The following LANCL2 variants were observed in gnomAD, a reference collection of about 807,000 sequenced individuals.
LANCL2 encodes the protein LanC like glutathione S-transferase 2.
Under a neutral mutation model 56.9 loss-of-function variants are expected in LANCL2, and 33 were observed. That is an observed-to-expected ratio of 0.58 (90% CI 0.44 to 0.78). LANCL2 has a LOEUF of 0.78. LANCL2 is among the 30% of genes least tolerant of loss of function. LANCL2 has a pLI of 0.00. For synonymous variants in LANCL2, 233 were observed against 228.2 expected (o/e 1.02, Z -0.19); for missense variants, 562 against 580.2 (o/e 0.97, Z 0.32).
At chr7:55,386,570 G>A (rs574652577) in intron 1 of LANCL2, among the ~76,000 whole-genome samples, 161 of 152,288 alleles carry the variant, frequency 1.1e-3, no homozygotes, top group Middle Eastern at 3.4e-3. Flanking sequence ...GTGTCTGGTC[G>A]TAAGTTGGGC....
chr7:55,425,089 G>T (rs1790649911), intron 6 of LANCL2, among the ~76,000 whole-genome samples, 165 bp from the exon 7 acceptor site: 1 of 152,200 alleles, frequency 6.6e-6, no homozygotes, highest in Admixed American at 6.5e-5. Context: ...GAGATTCTAT[G>T]TACTGTGTTG....
Position 55,366,221 on chromosome 7 carries a change from G to T in LANCL2, c.196G>T (p.Asp66Tyr). The change falls in exon 1 of 9, where the codon GAC becomes TAC. Residue 66 changes from aspartate (D) to tyrosine (Y), a missense_variant. Physicochemically the swap from Asp to Tyr is radical, Grantham distance 160. Around this residue, in one of 2 missense-constraint regions of LANCL2, gnomAD observed 184 missense variants for 111.8 expected, o/e 1.65. Coordinates refer to ENST00000254770, the MANE Select transcript of LANCL2 (RefSeq NM_018697.4). The part of the protein sequence containing the change: ...TDEPGLPFHQ[D>Y]GKIIHNFIRR... ...TGAGCCCGGCCTCCCTTTTCATCAGGACGGGAAGGTGAGTCGGCGGCCTGG... is the reference window on the plus strand; with the variant it reads ...TGAGCCCGGCCTCCCTTTTCATCAGTACGGGAAGGTGAGTCGGCGGCCTGG... 1 of 1,515,746 alleles carries T rather than the reference G, an allele frequency of 6.6e-7. No homozygotes were observed. The highest frequency in any genetic ancestry group is 8.9e-7 in the Non-Finnish European group (1 of 1,126,576). 93.9% of individuals were successfully genotyped at this position (1,515,746 alleles called of 1,614,324 possible).
chr7:55,399,237 C>T (rs1440315362), intron 3 of LANCL2, among the ~76,000 whole-genome samples: 3 of 149,238 alleles, frequency 2.0e-5, no homozygotes, highest in Non-Finnish European at 4.4e-5. Flanking sequence ...CCTGTCACTG[C>T]ACACCAGCCA....
chr7:55,370,488 C>T (rs1789931038), intron 1 of LANCL2, among the ~76,000 whole-genome samples: 1 of 152,174 alleles, frequency 6.6e-6, no homozygotes, highest in African/African-American at 2.4e-5. Flanking sequence ...GAGGTCATTG[C>T]CATACCTCAT....
At chr7:55,400,126 T>C (rs1562863504) in intron 4 of LANCL2, 22 bp downstream of exon 4, 1 of 1,548,154 alleles carries the variant, frequency 6.5e-7, no homozygotes, top group Non-Finnish European at 8.8e-7. Context: ...TATGGGTAAC[T>C]ATGGGCGTCT....
chr7:55,405,058 T>C (rs1790389371), intron 5 of LANCL2, among the ~76,000 whole-genome samples: 1 of 152,182 alleles, frequency 6.6e-6, no homozygotes, highest in Non-Finnish European at 1.5e-5. Context: ...TGAGATGGGA[T>C]TTCTTAAAGG....
chr7:55,390,588 G>A (rs539817157), intron 1 of LANCL2, among the ~76,000 whole-genome samples: 32 of 151,848 alleles, frequency 2.1e-4, no homozygotes, highest in African/African-American at 3.4e-4. Flanking sequence ...CCTGGGTGAC[G>A]AGCGAAACTC....
chr7:55,415,154 G>A (rs1356415069), intron 6 of LANCL2, among the ~76,000 whole-genome samples: 1 of 152,112 alleles, frequency 6.6e-6, no homozygotes, highest in Non-Finnish European at 1.5e-5. Context: ...TGAGTTCTAG[G>A]GCATTAGGAA....
At chr7:55,428,244 T>G in intron 7 of LANCL2, 131 bp from the exon 8 acceptor site, 1 of 760,856 alleles carries the variant, frequency 1.3e-6, no homozygotes, top group Non-Finnish European at 2.3e-6. Flanking sequence ...CAGTAGCCCA[T>G]GGAGCCCACG....
intron 1 of LANCL2, among the ~76,000 whole-genome samples, chr7:55,383,005 C>T (rs1018738024): frequency 6.6e-6 from 1 of 152,176 alleles, no homozygotes; most frequent in East Asian, 1.9e-4. Flanking sequence ...GCCTGTAATC[C>T]CAGCACTTTG....
In LANCL2 at chr7:55,381,175, G is replaced by C. The variant is rs139251897; in HGVS notation, c.205-10618G>C. On this transcript the variant is annotated intron_variant, in intron 1 of 8. Coordinates refer to ENST00000254770, the MANE Select transcript of LANCL2 (RefSeq NM_018697.4). ...CATGAGCCACCATATCTGGGCGGAG[G>C]AGTGAATTTCTGTAGGGTATGTTAT... Among the ~76,000 whole-genome samples, 872 of 152,278 alleles carry C rather than the reference G, an allele frequency of 5.7e-3. 5 individuals are homozygous for C. The highest frequency in any genetic ancestry group is 0.018 in the African/African-American group (764 of 41,566).
rs544105159 is a variant in LANCL2 at position 55,409,777 on chromosome 7, T to C, written c.826-2130T>C. On this transcript the variant is annotated intron_variant, in intron 5 of 8. Transcript: ENST00000254770. ...CTTATCGAGAGACTTTTTACAGAGC[T>C]GTTGGTGGGTATGAAAAAGCTTAGG... Among the ~76,000 whole-genome samples the C allele has an allele frequency of 3.3e-5, 5 of 152,294 alleles. No individual in the cohort carries two copies. In the South Asian group the frequency reaches 8.3e-4, roughly 25 times the overall value.
intron 5 of LANCL2, among the ~76,000 whole-genome samples, chr7:55,408,626 G>A (rs1273842972): frequency 1.3e-5 from 2 of 151,502 alleles, no homozygotes; most frequent in South Asian, 2.1e-4. Context: ...TCGAGATCAC[G>A]CCACTGCACT....
At chr7:55,415,675 G>A (rs549481313) in intron 6 of LANCL2, among the ~76,000 whole-genome samples, 5 of 145,714 alleles carry the variant, frequency 3.4e-5, no homozygotes, top group Admixed American at 7.1e-5. Context: ...GTGCAGTGGC[G>A]CAGTTTTGGC....
At chr7:55,403,072 G>T (rs1022172364) in intron 5 of LANCL2, among the ~76,000 whole-genome samples, 6 of 152,138 alleles carry the variant, frequency 3.9e-5, no homozygotes, top group Admixed American at 3.3e-4. Flanking sequence ...CGGCACTTTG[G>T]GGGGCCAAGG....
chr7:55,391,358 T>C (rs923699851), intron 1 of LANCL2, among the ~76,000 whole-genome samples: 1 of 152,212 alleles, frequency 6.6e-6, no homozygotes, highest in East Asian at 1.9e-4. Flanking sequence ...TTTTTTCTTT[T>C]GTATGAAGAT....
rs1790322299 is a variant in LANCL2, at chr7:55,401,321, G to T, written c.825+1G>T. 1.9e-6 allele frequency: 3 copies of T among 1,612,956 alleles called. No homozygotes were observed. The highest frequency in any genetic ancestry group is 4.5e-5 in the East Asian group (2 of 44,868). ...TGGAATTTACTATATGTTAATGCAG[G>T]TAGGTAAGAATACTCTTACACACTA... On this transcript the variant is annotated splice_donor_variant, in intron 5 of 8. Coordinates refer to ENST00000254770, the MANE Select transcript of LANCL2 (RefSeq NM_018697.4). LOFTEE classifies it high-confidence loss of function.
At chr7:55,376,396 G>T (rs936070608) in intron 1 of LANCL2, among the ~76,000 whole-genome samples, 2 of 152,202 alleles carry the variant, frequency 1.3e-5, no homozygotes, top group Non-Finnish European at 2.9e-5. Context: ...TGCAAAGCAA[G>T]CTCCTCAGCT....
At chr7:55,410,641 C>G (rs1347467582) in intron 5 of LANCL2, among the ~76,000 whole-genome samples, 3 of 152,344 alleles carry the variant, frequency 2.0e-5, no homozygotes, top group East Asian at 3.9e-4. Context: ...GGCGGGTTCT[C>G]TATCTCAGAC....
Sources: gnomAD v4.1 joint callset for allele counts (sites outside exome capture counted in the v4.1 genomes callset) on GRCh38, gnomAD v4.1.1 for gene constraint, gnomAD v4.1.1 regional missense constraint, MANE v1.5 for transcripts, NCBI Gene and HGNC (gene_info 2026-07-23, HGNC 2026-07-21) for gene names.